Variants in TPGS1 observed in about 807,000 individuals in gnomAD.
The protein encoded by TPGS1 is tubulin polyglutamylase complex subunit 1, also known as gene trap ROSA b-geo 22.
A neutral mutation model predicts 11.9 loss-of-function variants in TPGS1; 18 were observed. The observed-to-expected ratio is 1.51, with a 90% CI of 1.04 to 2.24. The LOEUF (loss-of-function observed/expected upper bound fraction) is 2.24. TPGS1 is among the 30% of genes most tolerant of loss of function. The pLI is 0.00. For synonymous variants in TPGS1, 247 were observed against 218.2 expected (o/e 1.13, Z -1.16); for missense variants, 500 against 443.0 (o/e 1.13, Z -1.16).
intron 1 of TPGS1, chr19:509,227 A>C (rs961805430): frequency 6.6e-6 from 1 of 152,242 alleles, no homozygotes; most frequent in Non-Finnish European, 1.5e-5. Flanking sequence ...TGAGAACGTG[A>C]GACCAGAGGT....
intron 1 of TPGS1, among the ~76,000 whole-genome samples, chr19:514,689 G>A (rs927316739): frequency 1.3e-5 from 2 of 152,248 alleles, no homozygotes; most frequent in South Asian, 2.1e-4. Flanking sequence ...TAAGCCCTGA[G>A]GTTGGCCACT....
chr19:518,344 T>G (rs1018228145), intron 1 of TPGS1, among the ~76,000 whole-genome samples: 24 of 1,710 alleles, frequency 0.014, no homozygotes, highest in Admixed American at 0.034. Context: ...GGAGTGCTGG[T>G]GGGGTGGGGA....
At chr19:518,538 G>A (rs1979037686) in intron 1 of TPGS1, among the ~76,000 whole-genome samples, 1 of 97,092 alleles carries the variant, frequency 1.0e-5, no homozygotes, top group African/African-American at 4.3e-5. Flanking sequence ...GGATGCTTGG[G>A]GGAGGGAGGC....
chr19:510,371 TC>T (rs938565033), intron 1 of TPGS1: 1 of 148,630 alleles, frequency 6.7e-6, no homozygotes, highest in African/African-American at 2.5e-5. Context: ...AGACTCTGTC[TC>T]AAAAAAAAAA....
intron 1 of TPGS1, among the ~76,000 whole-genome samples, chr19:517,488 A>C (rs181225798): frequency 0.11 from 33 of 290 alleles, 4 homozygotes; most frequent in Admixed American, 0.25. Flanking sequence ...GGAGGCCAGG[A>C]TGGGTGGGGG....
rs775662083 is a variant in TPGS1 at position 519,016 on chromosome 19, G to GC, written c.471dup (p.Glu158ArgfsTer15). On this transcript the variant is annotated frameshift_variant, in exon 2 of 2. Transcript: ENST00000359315. LOFTEE classifies it high-confidence loss of function. ...CAGGCGCATCTGCCGGGACGGCCAA[G>GC]CCCCCGAGGAGGTGGTGGCGCCGCT... The GC allele has an allele frequency of 2.6e-6, 4 of 1,564,098 alleles. No individual in the cohort carries two copies. Among genetic ancestry groups the GC allele is most frequent in the Non-Finnish European group, 3.4e-6 (4 of 1,161,924 alleles).
chr19:507,572 C>G lies in TPGS1; in HGVS notation c.66C>G (p.Arg22=). Residue 22 remains arginine (R), a synonymous_variant, in exon 1 of 2, where the codon CGC becomes CGG. Coordinates refer to ENST00000359315, the MANE Select transcript of TPGS1 (RefSeq NM_033513.3). Reference sequence around the variant, plus strand: ...CGGCCGGTTTCACGGACAGCGGCCGCCAGTCGGTATCCCGGGCGGCGGGGG... The same window carrying G: ...CGGCCGGTTTCACGGACAGCGGCCGGCAGTCGGTATCCCGGGCGGCGGGGG... ...PPPAGFTDSG[R]QSVSRAAGAA... The G allele has an allele frequency of 7.2e-7, 1 of 1,392,872 alleles. No homozygotes were observed. The highest frequency in any genetic ancestry group is 9.4e-7 in the Non-Finnish European group (1 of 1,068,688). 86.3% of individuals were successfully genotyped at this position (1,392,872 alleles called of 1,614,324 possible).
At chr19:516,673 G>A (rs983111011) in intron 1 of TPGS1, among the ~76,000 whole-genome samples, 13 of 152,172 alleles carry the variant, frequency 8.5e-5, no homozygotes, top group Admixed American at 8.5e-4. Context: ...GTGAGCCACC[G>A]TGCCTGGCCA....
Position 519,020 on chromosome 19 carries a change from C to A in TPGS1, c.470C>A (p.Pro157His). 3 of 1,562,378 alleles carry A rather than the reference C, an allele frequency of 1.9e-6. No individual in the cohort carries two copies. Among genetic ancestry groups the A allele is most frequent in the East Asian group, 2.3e-5 (1 of 43,136 alleles). ...CGCATCTGCCGGGACGGCCAAGCCC[C>A]CGAGGAGGTGGTGGCGCCGCTGCTG... Reference protein sequence around the residue: ...LRRICRDGQAPEEVVAPLLRK... With the variant: ...LRRICRDGQAHEEVVAPLLRK... The change falls in exon 2 of 2, where the codon CCC becomes CAC. Residue 157 changes from proline to histidine, a missense_variant. Pro to His is a moderately conservative substitution (Grantham distance 77). Transcript: ENST00000359315.
At chr19:508,455 G>C (rs1176385388) in intron 1 of TPGS1, 1 of 152,324 alleles carries the variant, frequency 6.6e-6, no homozygotes, top group African/African-American at 2.4e-5. Context: ...AGCATGCGAG[G>C]CTGCAGGTGC....
intron 1 of TPGS1, among the ~76,000 whole-genome samples, chr19:514,761 C>T (rs1288735881): frequency 6.6e-6 from 1 of 152,240 alleles, no homozygotes; most frequent in Non-Finnish European, 1.5e-5. Context: ...CCCTATATGT[C>T]CCAGAGGAAG....
chr19:519,489 C>A lies in TPGS1; in HGVS notation c.*66C>A. On this transcript the variant is annotated 3_prime_UTR_variant, in exon 2 of 2. Transcript: ENST00000359315. ...TCCCCGCGTGCGGGGCGCGCGGAGCCTTCCCTTCGCCCTGGTGAGGCCCTG... is the reference window on the plus strand; with the variant it reads ...TCCCCGCGTGCGGGGCGCGCGGAGCATTCCCTTCGCCCTGGTGAGGCCCTG... The A allele has an allele frequency of 2.6e-6, 3 of 1,159,520 alleles. No homozygotes were observed. The highest frequency in any genetic ancestry group is 1.1e-6 in the Non-Finnish European group (1 of 938,148). 71.8% of individuals were successfully genotyped at this position (1,159,520 alleles called of 1,614,324 possible). A position where few individuals can be genotyped will look rare whatever the true frequency, so the allele number is the denominator to read the frequency against.
chr19:510,768 C>T (rs1978770899), intron 1 of TPGS1, among the ~76,000 whole-genome samples: 1 of 152,228 alleles, frequency 6.6e-6, no homozygotes. Context: ...GGCTGCACTG[C>T]CCCCTGCAGG....
At chr19:515,357 T>C (rs951358077) in intron 1 of TPGS1, among the ~76,000 whole-genome samples, 1 of 145,548 alleles carries the variant, frequency 6.9e-6, no homozygotes, top group Non-Finnish European at 1.5e-5. Context: ...GCCCTGATTG[T>C]ACCACTGCTC....
intron 1 of TPGS1, among the ~76,000 whole-genome samples, chr19:518,202 G>A (rs1387179820): frequency 5.2e-5 from 4 of 76,438 alleles, no homozygotes; most frequent in Admixed American, 4.6e-4. Context: ...GGAGGCCCAG[G>A]TTGAGTAGGG....
chr19:512,534 A>AAGT (rs1978827757), intron 1 of TPGS1, among the ~76,000 whole-genome samples: 1 of 151,496 alleles, frequency 6.6e-6, no homozygotes, highest in South Asian at 2.1e-4. Context: ...GTGGACTGAG[A>AAGT]AGTAGCACGA....
At chr19:510,334 C>T (rs1027482337) in intron 1 of TPGS1, 1 of 152,044 alleles carries the variant, frequency 6.6e-6, no homozygotes, top group Non-Finnish European at 1.5e-5. Context: ...GATCGCGCCA[C>T]TGCACTCCAG....
At chr19:516,794 CTG>C (rs754392713) in intron 1 of TPGS1, among the ~76,000 whole-genome samples, 2 of 152,182 alleles carry the variant, frequency 1.3e-5, no homozygotes, top group Non-Finnish European at 2.9e-5. Flanking sequence ...CTGTAATAAA[CTG>C]AGGAATGTGG....
chr19:513,072 T>C (rs896356648), intron 1 of TPGS1, among the ~76,000 whole-genome samples: 4 of 152,120 alleles, frequency 2.6e-5, no homozygotes, highest in Non-Finnish European at 5.9e-5. Context: ...GTGTCAATAG[T>C]AAATGCTTGT....
Sources: gnomAD v4.1 joint callset for allele counts (sites outside exome capture counted in the v4.1 genomes callset) on GRCh38, gnomAD v4.1.1 for gene constraint, MANE v1.5 for transcripts, NCBI Gene and HGNC (gene_info 2026-07-23, HGNC 2026-07-21) for gene names.